Variants in ZNF707 observed in about 807,000 individuals in gnomAD.
ZNF707 encodes the protein zinc finger protein 707.
In ZNF707, 8 loss-of-function variants were observed where a neutral mutation model predicts 13.3. The observed-to-expected ratio is 0.60, with a 90% CI of 0.35 to 1.09. The LOEUF (loss-of-function observed/expected upper bound fraction) is 1.09. ZNF707 is among the 50% of genes least tolerant of loss of function. The pLI is 0.02. For missense variants in ZNF707, 530 were observed against 512.6 expected (o/e 1.03, Z -0.33); for synonymous variants, 225 against 205.6 (o/e 1.09, Z -0.81).
chr8:143,690,268 G>A, intron 3 of ZNF707, 145 bp downstream of exon 3: 1 of 1,125,930 alleles, frequency 8.9e-7, no homozygotes, highest in East Asian at 2.6e-5. Flanking sequence ...CTTAAGGGGT[G>A]GGGAAAGAAA....
At chr8:143,685,955 A>G (rs1428556647) in intron 1 of ZNF707, among the ~76,000 whole-genome samples, 1 of 152,228 alleles carries the variant, frequency 6.6e-6, no homozygotes, top group African/African-American at 2.4e-5. Context: ...ACCACGGCTC[A>G]GGAGGCCTTG....
At chr8:143,686,763 C>T (rs562631835) in intron 1 of ZNF707, among the ~76,000 whole-genome samples, 1 of 152,170 alleles carries the variant, frequency 6.6e-6, no homozygotes, top group Admixed American at 6.5e-5. Flanking sequence ...GCCTTAGCCT[C>T]CCAAAGTGCT....
Position 143,693,917 on chromosome 8 carries a change from A to C in ZNF707, c.503A>C (p.Lys168Thr), listed in dbSNP as rs372976940. The C allele has an allele frequency of 3.1e-6, 5 of 1,606,754 alleles. No homozygotes were observed. Among genetic ancestry groups the C allele is most frequent in the African/African-American group, 1.3e-5 (1 of 74,826 alleles). ...GRRPGRRERR[K>T]QRAVELSFIC... ...CGGCCGGGCCGCAGAGAGCGCCGGA[A>C]GCAGCGCGCAGTAGAGCTGTCATTC... The change falls in exon 6 of 6, where the codon AAG becomes ACG. Residue 168 changes from lysine (K) to threonine (T), a missense_variant. Lys to Thr is a moderately conservative substitution (Grantham distance 78). Coordinates refer to ENST00000358656, the MANE Select transcript of ZNF707 (RefSeq NM_001100598.2). The surrounding 1 kb of genome is among the most constrained non-coding windows in gnomAD (Gnocchi z 4.1).
In ZNF707 at chr8:143,693,932, A is replaced by C. The variant is rs1817081825; in HGVS notation, c.518A>C (p.Glu173Ala). Residue 173 changes from glutamate to alanine, a missense_variant, in exon 6 of 6, where the codon GAG (glutamate) becomes GCG (alanine). Transcript: ENST00000358656. This position sits in a 1 kb window ranked among gnomAD's most constrained non-coding sequence, Gnocchi z 4.1. ...RRERRKQRAVELSFICGTCGK... is the reference protein window; with the variant it reads ...RRERRKQRAVALSFICGTCGK... ...GAGCGCCGGAAGCAGCGCGCAGTAG[A>C]GCTGTCATTCATCTGCGGCACGTGC... 1 of 1,607,672 alleles carries C rather than the reference A, an allele frequency of 6.2e-7. No individual in the cohort carries two copies. The highest frequency in any genetic ancestry group is 8.5e-7 in the Non-Finnish European group (1 of 1,177,740).
intron 5 of ZNF707, chr8:143,692,053 G>C (rs781817864): frequency 7.4e-5 from 103 of 1,385,816 alleles, no homozygotes; most frequent in Middle Eastern, 3.8e-4. Context: ...TGACCTCCCT[G>C]TGATGGCCAT....
At chr8:143,688,282 A>G (rs1183469676) in intron 1 of ZNF707, among the ~76,000 whole-genome samples, 1 of 152,176 alleles carries the variant, frequency 6.6e-6, no homozygotes, top group Admixed American at 6.5e-5. Context: ...AAAAAATATC[A>G]AGTTGAAAAG....
Position 143,693,696 on chromosome 8 carries a change from G to C in ZNF707, c.282G>C (p.Lys94Asn), listed in dbSNP as rs1817053159. 1 of 1,604,570 alleles carries C rather than the reference G, an allele frequency of 6.2e-7. No homozygotes were observed. Among genetic ancestry groups the C allele is most frequent in the Non-Finnish European group, 8.5e-7 (1 of 1,175,632 alleles). ...RPGARKSADP[K>N]RPCDHPAWAH... ...GGGCAAGGAAGTCTGCAGACCCCAA[G>C]AGACCTTGTGATCATCCAGCTTGGG... Residue 94 changes from lysine (K) to asparagine (N), a missense_variant, in exon 6 of 6, where the codon AAG becomes AAC. Physicochemically the swap from Lys to Asn is moderately conservative, Grantham distance 94. Transcript: ENST00000358656. This position sits in a 1 kb window ranked among gnomAD's most constrained non-coding sequence, Gnocchi z 4.1.
intron 3 of ZNF707, 175 bp downstream of exon 3, chr8:143,690,298 G>T: frequency 1.3e-6 from 1 of 744,500 alleles, no homozygotes; most frequent in Non-Finnish European, 2.1e-6. Context: ...GGGGCCAGGC[G>T]CAATGCCTCA....
At position 143,692,133 on chromosome 8, in the gene ZNF707, C is replaced by T. The variant is rs1287233641; in HGVS notation, c.256+420C>T. On this transcript the variant is annotated intron_variant, in intron 5 of 5. Coordinates refer to ENST00000358656, the MANE Select transcript of ZNF707 (RefSeq NM_001100598.2). ...GTATGTGGCTCTGGGTAGGAGTTTG[C>T]TCCACGTCCTTGTTTGCAAAACTGG... is the stretch of plus-strand genomic sequence containing the variant. 26 of 1,307,554 alleles carry T rather than the reference C, an allele frequency of 2.0e-5. 1 individual carries two copies. The Admixed American group carries it at 2.0e-4, about 10-fold the overall frequency. The allele number at this position is 1,307,554 out of a possible 1,614,324, so 81.0% of individuals were successfully genotyped here.
rs112116236 is a variant in ZNF707, at chr8:143,692,480, G to C, written c.256+767G>C. ...GGAGCCCCCGGCTGGGGAGGTGTCG[G>C]ATCCCCGGGTGTGTGGAGCCCCCGG... is the stretch of plus-strand genomic sequence containing the variant. On this transcript the variant is annotated intron_variant, in intron 5 of 5. Transcript: ENST00000358656. 670 of 295,720 alleles carry C rather than the reference G, an allele frequency of 2.3e-3. 2 individuals carry two copies. The highest frequency in any genetic ancestry group is 0.016 in the African/African-American group (431 of 26,726). The allele number at this position is 295,720 out of a possible 1,614,324, so 18.3% of individuals were successfully genotyped here.
chr8:143,686,123 C>T (rs575700530), intron 1 of ZNF707, among the ~76,000 whole-genome samples: 3 of 151,042 alleles, frequency 2.0e-5, no homozygotes, highest in South Asian at 2.1e-4. Flanking sequence ...TTTTTGAGAT[C>T]GTCTCGCTCT....
rs1554614425 is a variant in ZNF707, at chr8:143,693,919, C to T, written c.505C>T (p.Gln169Ter). Reference sequence around the variant, plus strand: ...GCCGGGCCGCAGAGAGCGCCGGAAGCAGCGCGCAGTAGAGCTGTCATTCAT... The same window carrying T: ...GCCGGGCCGCAGAGAGCGCCGGAAGTAGCGCGCAGTAGAGCTGTCATTCAT... Reference protein sequence around the residue: ...RRPGRRERRKQRAVELSFICG... With the variant: ...RRPGRRERRK The change falls in exon 6 of 6, where the codon CAG becomes TAG. Residue 169 changes from glutamine to a stop codon, truncating the protein, a stop_gained. Coordinates refer to ENST00000358656, the MANE Select transcript of ZNF707 (RefSeq NM_001100598.2). LOFTEE classifies it low-confidence loss of function (END_TRUNC). This position sits in a 1 kb window ranked among gnomAD's most constrained non-coding sequence, Gnocchi z 4.1. The T allele has an allele frequency of 1.2e-6, 2 of 1,606,848 alleles. No individual in the cohort carries two copies. Among genetic ancestry groups the T allele is most frequent in the Non-Finnish European group, 1.7e-6 (2 of 1,176,588 alleles).
chr8:143,688,964 C>T (rs1816547442), intron 1 of ZNF707: 1 of 152,304 alleles, frequency 6.6e-6, no homozygotes, highest in South Asian at 2.1e-4. Context: ...TTGCTGGCCT[C>T]ATTAAGACAG....
In ZNF707 at chr8:143,694,493, C is replaced by T. The variant is rs1158665422; in HGVS notation, c.1079C>T (p.Thr360Met). The T allele has an allele frequency of 1.5e-5, 24 of 1,609,366 alleles. No homozygotes were observed. In the East Asian group the frequency reaches 4.7e-4, roughly 31 times the overall value. The change falls in exon 6 of 6, where the codon ACG (threonine) becomes ATG (methionine). Residue 360 changes from threonine (T) to methionine (M), a missense_variant. By Grantham distance (81) the Thr-to-Met change is moderately conservative. Transcript: ENST00000358656. This position sits in a 1 kb window ranked among gnomAD's most constrained non-coding sequence, Gnocchi z 4.4. ...GGCTTCCGTCACCTGGGGTTCTTCA[C>T]GCGGCATCAGAGGACTCACAGGCAC... is the stretch of plus-strand genomic sequence containing the variant. The part of the protein sequence containing the change: ...GKGFRHLGFF[T>M]RHQRTHRHGE...
rs782750859 is a variant in ZNF707 at position 143,694,166 on chromosome 8, G to T, written c.752G>T (p.Arg251Leu). ...CTGAAGGACCGCCTGGCTCAGCACC[G>T]CAAGGTCCACACCGAGCACAGGCCC... ...FSLKDRLAQH[R>L]KVHTEHRPYS... The change falls in exon 6 of 6, where the codon CGC (arginine) becomes CTC (leucine). Residue 251 changes from arginine (R) to leucine (L), a missense_variant. Arg to Leu is a moderately radical substitution (Grantham distance 102). Transcript: ENST00000358656. The surrounding 1 kb of genome is among the most constrained non-coding windows in gnomAD (Gnocchi z 4.4). The T allele has an allele frequency of 1.9e-6, 3 of 1,579,580 alleles. No individual in the cohort carries two copies. The highest frequency in any genetic ancestry group is 2.6e-6 in the Non-Finnish European group (3 of 1,162,130).
chr8:143,692,887 G>C (rs557424647), intron 5 of ZNF707, among the ~76,000 whole-genome samples: 2 of 151,368 alleles, frequency 1.3e-5, no homozygotes, highest in African/African-American at 4.9e-5. Flanking sequence ...TCGCATCCCC[G>C]GGTGTGTGGA....
In ZNF707 at chr8:143,693,017, G is replaced by A. The variant is rs1166243787; in HGVS notation, c.257-654G>A. On this transcript the variant is annotated intron_variant, in intron 5 of 5. Coordinates refer to ENST00000358656, the MANE Select transcript of ZNF707 (RefSeq NM_001100598.2). The surrounding 1 kb of genome is among the most constrained non-coding windows in gnomAD (Gnocchi z 4.1). ...ACCCGCATGAGTGGGGCCTGCTGGC[G>A]TGGACAGGGTGAAAGGACATTCTCT... Among the ~76,000 whole-genome samples, 1 of 152,156 alleles carries A rather than the reference G, an allele frequency of 6.6e-6. No homozygotes were observed. The highest frequency in any genetic ancestry group is 1.5e-5 in the Non-Finnish European group (1 of 68,012).
rs782258296 is a variant in ZNF707, at chr8:143,693,927, A to G, written c.513A>G (p.Ala171=). 2.5e-5 allele frequency: 41 copies of G among 1,608,126 alleles called. No individual in the cohort carries two copies. The highest frequency in any genetic ancestry group is 3.2e-5 in the Non-Finnish European group (38 of 1,177,866). Residue 171 remains alanine (A), a synonymous_variant, in exon 6 of 6, where the codon GCA becomes GCG. Transcript: ENST00000358656. This position sits in a 1 kb window ranked among gnomAD's most constrained non-coding sequence, Gnocchi z 4.1. ...PGRRERRKQR[A]VELSFICGTC... The stretch of plus-strand genomic sequence containing the variant: ...GCAGAGAGCGCCGGAAGCAGCGCGC[A>G]GTAGAGCTGTCATTCATCTGCGGCA...
rs1817224946 is a variant in ZNF707, at chr8:143,695,120, C to A, written c.*590C>A. ...GTGGTGGTTAGGTCAGGGCCACCCCCAGTGCTGCAGGAACGGCCTCCACCC... is the reference window on the plus strand; with the variant it reads ...GTGGTGGTTAGGTCAGGGCCACCCCAAGTGCTGCAGGAACGGCCTCCACCC... On this transcript the variant is annotated 3_prime_UTR_variant, in exon 6 of 6. Transcript: ENST00000358656. 1 of 152,546 alleles carries A rather than the reference C, an allele frequency of 6.6e-6. No individual in the cohort carries two copies. Among genetic ancestry groups the A allele is most frequent in the Admixed American group, 6.5e-5 (1 of 15,284 alleles). 9.4% of individuals were successfully genotyped at this position (152,546 alleles called of 1,614,324 possible).
Sources: gnomAD v4.1 joint callset for allele counts (sites outside exome capture counted in the v4.1 genomes callset) on GRCh38, gnomAD v4.1.1 for gene constraint, Gnocchi (gnomAD v3.1) non-coding constraint, MANE v1.5 for transcripts, NCBI Gene and HGNC (gene_info 2026-07-23, HGNC 2026-07-21) for gene names.